Variants in FAM227A observed in about 807,000 individuals in gnomAD.
FAM227A encodes family with sequence similarity 227 member A.
In FAM227A, 80 loss-of-function variants were observed where a neutral mutation model predicts 74.7. The ratio of observed to expected loss-of-function variants is 1.07; its 90% CI spans 0.89 to 1.29. The LOEUF (loss-of-function observed/expected upper bound fraction) is 1.29. Among genes scored for constraint, FAM227A ranks in the 50% most tolerant of loss-of-function variants. The probability of loss-of-function intolerance (pLI) is 0.00; values close to 1 mark genes in which losing one functional copy is unlikely to be tolerated. For synonymous variants in FAM227A, 237 were observed against 241.8 expected (o/e 0.98, Z 0.19); for missense variants, 654 against 683.4 (o/e 0.96, Z 0.48).
intron 10 of FAM227A, 96 bp from the exon 11 acceptor site, chr22:38,620,387 T>A: frequency 1.1e-6 from 1 of 930,608 alleles, no homozygotes; most frequent in Non-Finnish European, 1.7e-6. Context: ...CTGGAGACAG[T>A]GACACCCACC....
intron 2 of FAM227A, among the ~76,000 whole-genome samples, chr22:38,646,098 C>G (rs2092230424): frequency 6.6e-6 from 1 of 151,628 alleles, no homozygotes; most frequent in Non-Finnish European, 1.5e-5. Context: ...ATTTCTTTAT[C>G]TTGTTTTAAA....
rs548095897 is a variant in FAM227A, at chr22:38,655,375, C to T, written c.-95+745G>A. Among the ~76,000 whole-genome samples the T allele has an allele frequency of 5.3e-3, 790 of 150,038 alleles. 7 individuals are homozygous for T. Among genetic ancestry groups the T allele is most frequent in the African/African-American group, 0.019 (767 of 40,846 alleles). On this transcript the variant is annotated intron_variant, in intron 1 of 16. Coordinates refer to ENST00000535113, the MANE Select transcript of FAM227A (RefSeq NM_001013647.2). ...TGAAACGCCATCTCTACTAAAAATA[C>T]AAAAAATTAGCCGGGCATGGTGGTG...
intron 11 of FAM227A, among the ~76,000 whole-genome samples, chr22:38,614,129 C>T (rs1021261072): frequency 6.6e-6 from 1 of 152,114 alleles, no homozygotes; most frequent in African/African-American, 2.4e-5. Context: ...GGTCTCTCAA[C>T]TATATACTAC....
rs1320658934 is a variant in FAM227A at position 38,645,562 on chromosome 22, C to T, written c.225+1G>A. 6.4e-7 allele frequency: 1 copy of T among 1,550,580 alleles called. No individual in the cohort carries two copies. The highest frequency in any genetic ancestry group is 8.7e-7 in the Non-Finnish European group (1 of 1,146,176). On this transcript the variant is annotated splice_donor_variant, in intron 3 of 16. Coordinates refer to ENST00000535113, the MANE Select transcript of FAM227A (RefSeq NM_001013647.2). LOFTEE classifies it high-confidence loss of function. ...TCTCAGCTCCAGCATAGGTAACTCA[C>T]CAGGCTGTTGGCCGACGGCTCGGTA...
intron 11 of FAM227A, 99 bp from the exon 12 acceptor site, chr22:38,607,575 T>C: frequency 1.2e-6 from 1 of 820,720 alleles, no homozygotes. Flanking sequence ...ATACATGCAA[T>C]TTCTTTGCTA....
At position 38,656,174 on chromosome 22, in the gene FAM227A, T is replaced by A. The variant is rs190880659; in HGVS notation, c.-149A>T. The A allele has an allele frequency of 6.6e-6, 1 of 152,386 alleles. No homozygotes were observed. The highest frequency in any genetic ancestry group is 2.4e-5 in the African/African-American group (1 of 41,574). The allele number at this position is 152,386 out of a possible 1,614,324, so 9.4% of individuals were successfully genotyped here. A position where few individuals can be genotyped will look rare whatever the true frequency, so the allele number is the denominator to read the frequency against. ...CGGGGCCGGTCCCGCCACGGGTCCC[T>A]CAGGGGACCCCGCAAAGTTCTGGGT... On this transcript the variant is annotated 5_prime_UTR_variant, in exon 1 of 17. Transcript: ENST00000535113.
chr22:38,605,325 A>G lies in FAM227A; in HGVS notation c.1150T>C (p.Leu384=), dbSNP rs1318724335. 1 of 1,549,286 alleles carries G rather than the reference A, an allele frequency of 6.5e-7. No individual in the cohort carries two copies. Among genetic ancestry groups the G allele is most frequent in the Non-Finnish European group, 8.7e-7 (1 of 1,144,436 alleles). Residue 384 remains leucine (L), a synonymous_variant, in exon 13 of 17, where the codon TTG becomes CTG. Coordinates refer to ENST00000535113, the MANE Select transcript of FAM227A (RefSeq NM_001013647.2). ...TTGACTTCTTGCGTAGGTTTCTTCA[A>G]GACCAGGGTCTGACAATGATGCTCT... The part of the protein sequence containing the change: ...AKEHHCQTLV[L]KKPTQEVKRI...
intron 1 of FAM227A, chr22:38,653,942 TTATAACTGTCATCAC>T (rs568464258): frequency 4.7e-4 from 71 of 152,332 alleles, no homozygotes; most frequent in African/African-American, 1.6e-3. Context: ...TAATTATGAG[TTATAACTGTCATCAC>T]TACTTCAAAG....
intron 3 of FAM227A, among the ~76,000 whole-genome samples, chr22:38,645,114 G>A (rs1298661402): frequency 4.0e-5 from 6 of 151,758 alleles, no homozygotes; most frequent in Admixed American, 1.3e-4. Flanking sequence ...TTTATTGGCC[G>A]GGCGCGGTGG....
At chr22:38,604,851 C>G (rs1304260407) in intron 13 of FAM227A, among the ~76,000 whole-genome samples, 1 of 152,098 alleles carries the variant, frequency 6.6e-6, no homozygotes, top group Non-Finnish European at 1.5e-5. Context: ...CAGGGTTTCA[C>G]CATGTTGGCC....
At chr22:38,634,277 T>A (rs1282618481) in intron 6 of FAM227A, among the ~76,000 whole-genome samples, 1 of 151,212 alleles carries the variant, frequency 6.6e-6, no homozygotes, top group Non-Finnish European at 1.5e-5. Flanking sequence ...ATACTGATAC[T>A]TTTCATTCAA....
chr22:38,613,312 C>CATATATATATCAT (rs1435078532), intron 11 of FAM227A, among the ~76,000 whole-genome samples: 1 of 56,542 alleles, frequency 1.8e-5, no homozygotes, highest in Non-Finnish European at 2.9e-5. Context: ...TAATATATAA[C>CATATATATATCAT]ATATAATATA....
intron 1 of FAM227A, among the ~76,000 whole-genome samples, chr22:38,651,715 T>A (rs2092324804): frequency 6.6e-6 from 1 of 152,146 alleles, no homozygotes; most frequent in Admixed American, 6.6e-5. Context: ...GGTAAGTTTT[T>A]ACTGCCATTA....
chr22:38,633,841 A>G (rs2091955737), intron 6 of FAM227A, among the ~76,000 whole-genome samples: 3 of 152,080 alleles, frequency 2.0e-5, no homozygotes, highest in Admixed American at 2.0e-4. Flanking sequence ...TGCCCGGCCT[A>G]TCATCTTATA....
chr22:38,587,509 A>G (rs748281499), intron 16 of FAM227A, among the ~76,000 whole-genome samples: 2 of 152,186 alleles, frequency 1.3e-5, no homozygotes, highest in African/African-American at 2.4e-5. Flanking sequence ...TACACAAATT[A>G]CCAAAACTGA....
intron 6 of FAM227A, among the ~76,000 whole-genome samples, chr22:38,629,977 CTCT>C (rs906894158): frequency 7.4e-6 from 1 of 135,990 alleles, no homozygotes; most frequent in Non-Finnish European, 1.6e-5. Flanking sequence ...GGAAGCGTGC[CTCT>C]TCTTTAACCA....
intron 11 of FAM227A, among the ~76,000 whole-genome samples, chr22:38,615,088 G>A (rs2091547232): frequency 6.6e-6 from 1 of 152,184 alleles, no homozygotes; most frequent in East Asian, 1.9e-4. Context: ...GCAGTGGCAC[G>A]ATCTTGGTTC....
At chr22:38,652,593 A>C (rs2092338521) in intron 1 of FAM227A, among the ~76,000 whole-genome samples, 2 of 146,212 alleles carry the variant, frequency 1.4e-5, no homozygotes, top group African/African-American at 5.1e-5. Flanking sequence ...ATCTCAAGAA[A>C]AAAAAAAAAA....
chr22:38,654,313 C>T (rs1193741959), intron 1 of FAM227A, among the ~76,000 whole-genome samples: 1 of 151,654 alleles, frequency 6.6e-6, no homozygotes, highest in Non-Finnish European at 1.5e-5. Flanking sequence ...CGCCACTGCA[C>T]TCCAGCCTGG....
Sources: gnomAD v4.1 joint callset for allele counts (sites outside exome capture counted in the v4.1 genomes callset) on GRCh38, gnomAD v4.1.1 for gene constraint, MANE v1.5 for transcripts, NCBI Gene and HGNC (gene_info 2026-07-23, HGNC 2026-07-21) for gene names.